The following TMEM247 variants were observed in gnomAD, a reference collection of about 807,000 sequenced individuals.
TMEM247 encodes the protein transmembrane protein ENSP00000343375.
A neutral mutation model predicts 20.7 loss-of-function variants in TMEM247; 23 were observed. That is an observed-to-expected ratio of 1.11 (90% CI 0.80 to 1.57). The LOEUF (loss-of-function observed/expected upper bound fraction) is 1.57, where lower values mean the gene tolerates loss of function less well. TMEM247 is among the 40% of genes most tolerant of loss of function. The probability of loss-of-function intolerance (pLI) is 0.00; values close to 1 mark genes in which losing one functional copy is unlikely to be tolerated. For synonymous variants in TMEM247, 106 were observed against 111.9 expected (o/e 0.95, Z 0.33); for missense variants, 354 against 283.8 (o/e 1.25, Z -1.78).
chr2:46,482,447 C>T (rs1686906677), intron 2 of TMEM247, among the ~76,000 whole-genome samples: 1 of 152,182 alleles, frequency 6.6e-6, no homozygotes, highest in Non-Finnish European at 1.5e-5. Flanking sequence ...GCCTGTGTCT[C>T]CTCCTAACCA....
intron 1 of TMEM247, among the ~76,000 whole-genome samples, chr2:46,480,048 C>T (rs925307486): frequency 2.0e-5 from 3 of 152,104 alleles, no homozygotes; most frequent in African/African-American, 7.2e-5. Flanking sequence ...TCTGTAACTT[C>T]CTGAAGACCT....
chr2:46,481,959 T>A (rs1686897028), intron 2 of TMEM247, among the ~76,000 whole-genome samples: 2 of 152,248 alleles, frequency 1.3e-5, no homozygotes, highest in Non-Finnish European at 2.9e-5. Context: ...CTGCTCACAT[T>A]TCTCCACCTT....
At chr2:46,482,662 A>C (rs1247248916) in intron 2 of TMEM247, among the ~76,000 whole-genome samples, 1 of 152,234 alleles carries the variant, frequency 6.6e-6, no homozygotes, top group Admixed American at 6.5e-5. Flanking sequence ...TTCAGACTGA[A>C]ACACGTGCAG....
chr2:46,483,097 C>T (rs1295677927), intron 2 of TMEM247, among the ~76,000 whole-genome samples: 1 of 152,118 alleles, frequency 6.6e-6, no homozygotes, highest in Non-Finnish European at 1.5e-5. Context: ...TAGGGCATCT[C>T]GGTCCCTGCC....
At chr2:46,481,656 G>T (rs1425202566) in intron 2 of TMEM247, among the ~76,000 whole-genome samples, 1 of 152,156 alleles carries the variant, frequency 6.6e-6, no homozygotes, top group Non-Finnish European at 1.5e-5. Flanking sequence ...AGCACATTAG[G>T]TAAGCACTCA....
intron 2 of TMEM247, among the ~76,000 whole-genome samples, chr2:46,483,961 A>T (rs374058166): frequency 7.9e-5 from 12 of 151,426 alleles, no homozygotes; most frequent in African/African-American, 2.7e-4. Context: ...TAATTTTTAA[A>T]TTTTTTTTTA....
chr2:46,484,173 C>G (rs891906128), intron 2 of TMEM247, 71 bp from the exon 3 acceptor site: 15 of 1,368,020 alleles, frequency 1.1e-5, no homozygotes, highest in African/African-American at 1.5e-5. Context: ...AGGGTCAGAG[C>G]AGGACTGAAC....
chr2:46,481,473 T>C (rs186545046), intron 2 of TMEM247, among the ~76,000 whole-genome samples: 29 of 152,354 alleles, frequency 1.9e-4, no homozygotes, highest in Non-Finnish European at 4.4e-5. Context: ...TTTCCTGCAC[T>C]TTAAAGTCAG....
At chr2:46,483,627 G>A (rs1049284020) in intron 2 of TMEM247, among the ~76,000 whole-genome samples, 15 of 152,304 alleles carry the variant, frequency 9.8e-5, no homozygotes, top group African/African-American at 3.1e-4. Flanking sequence ...TGGCTCCAAT[G>A]GGCCGTACAG....
exon 1 of TMEM247, chr2:46,479,571 G>T (rs930835901): frequency 1.9e-6 from 3 of 1,549,290 alleles, no homozygotes; most frequent in African/African-American, 2.7e-5. Context: ...ACCTGGCAGC[G>T]TTCTGGTTTT....
At chr2:46,484,147 G>C in intron 2 of TMEM247, 97 bp from the exon 3 acceptor site, 9 of 1,072,942 alleles carry the variant, frequency 8.4e-6, no homozygotes, top group Non-Finnish European at 1.2e-5. Flanking sequence ...ATGATGACTT[G>C]AGGTCACATA....
At chr2:46,483,775 T>C (rs1367013199) in intron 2 of TMEM247, among the ~76,000 whole-genome samples, 1 of 152,202 alleles carries the variant, frequency 6.6e-6, no homozygotes, top group African/African-American at 2.4e-5. Flanking sequence ...CTTTTCCTCC[T>C]TGTGATCTTT....
intron 1 of TMEM247, 42 bp downstream of exon 1, chr2:46,479,744 C>A: frequency 7.3e-7 from 1 of 1,375,488 alleles, no homozygotes; most frequent in Non-Finnish European, 1.0e-6. Flanking sequence ...CCTATTCCGT[C>A]AGGGGGAGCA....
exon 3 of TMEM247, chr2:46,484,314 T>C (rs1686946713): frequency 1.2e-5 from 19 of 1,552,350 alleles, no homozygotes; most frequent in Non-Finnish European, 1.7e-5. Flanking sequence ...TGCTTCATCT[T>C]CATTCACATC....
intron 2 of TMEM247, among the ~76,000 whole-genome samples, chr2:46,481,506 G>C (rs1284949406): frequency 2.0e-5 from 3 of 152,192 alleles, no homozygotes; most frequent in Non-Finnish European, 4.4e-5. Context: ...TAAAATGCCA[G>C]TTATAAACTC....
chr2:46,483,657 G>A (rs1444579992), intron 2 of TMEM247, among the ~76,000 whole-genome samples: 1 of 152,228 alleles, frequency 6.6e-6, no homozygotes, highest in Non-Finnish European at 1.5e-5. Context: ...AGAAAGGAAG[G>A]TGGTGGCCTG....
intron 2 of TMEM247, among the ~76,000 whole-genome samples, chr2:46,481,702 G>A (rs922829972): frequency 6.6e-6 from 1 of 152,180 alleles, no homozygotes; most frequent in African/African-American, 2.4e-5. Flanking sequence ...ATGTACTCAT[G>A]CAATTCACTT....
chr2:46,480,673 G>GGCAGCGGGAGCA lies in TMEM247; in HGVS notation c.391_392insGGGAGCAGCAGC (p.Gln130_His131insArgGluGlnGln). 3 of 1,539,720 alleles carry GGCAGCGGGAGCA rather than the reference G, an allele frequency of 1.9e-6. No individual in the cohort carries two copies. The East Asian group carries it at 7.5e-5, about 38-fold the overall frequency. ...CTGCATGAGAAGAACCAGCGGCAGC[G>GGCAGCGGGAGCA]GCAGCACGAGGTGGTGATGGAGCAG... On this transcript the variant is annotated inframe_insertion, in exon 2 of 3. Transcript: ENST00000434431.
At chr2:46,484,180 G>A in intron 2 of TMEM247, 64 bp from the exon 3 acceptor site, 1 of 1,436,108 alleles carries the variant, frequency 7.0e-7, no homozygotes, top group South Asian at 1.4e-5. Flanking sequence ...GAGCAGGACT[G>A]AACCTAGATC....
Sources: allele counts gnomAD v4.1 joint callset (sites outside exome capture counted in the v4.1 genomes callset), GRCh38; gene constraint gnomAD v4.1.1; transcripts MANE v1.5; gene names NCBI Gene and HGNC (gene_info 2026-07-23, HGNC 2026-07-21).